BLK: variants seen among roughly 807,000 people sequenced by gnomAD.
The protein encoded by BLK is BLK proto-oncogene, Src family tyrosine kinase.
In BLK, 64 loss-of-function variants were observed where a neutral mutation model predicts 61.8. That is an observed-to-expected ratio of 1.03 (90% confidence interval 0.85 to 1.27). The LOEUF (loss-of-function observed/expected upper bound fraction) is 1.27. Ranked by LOEUF, BLK falls within the 50% of genes most tolerant of loss-of-function variation. The probability of loss-of-function intolerance (pLI) is 0.00; values close to 1 mark genes in which losing one functional copy is unlikely to be tolerated. For missense variants in BLK, 853 were observed against 660.5 expected, an observed-to-expected ratio of 1.29 and a Z score of -3.19; for synonymous variants, 351 against 272.0, an observed-to-expected ratio of 1.29 and a Z score of -2.86.
intron 1 of BLK, among the ~76,000 whole-genome samples, chr8:11,527,466 TTTTC>T (rs1191790447): frequency 1.3e-5 from 2 of 151,692 alleles, no homozygotes; most frequent in Non-Finnish European, 2.9e-5. Flanking sequence ...TATCTAGAAT[TTTTC>T]TTTCTTTTTT....
At chr8:11,551,751 C>G (rs1800915831) in intron 6 of BLK, among the ~76,000 whole-genome samples, 1 of 152,176 alleles carries the variant, frequency 6.6e-6, no homozygotes, top group Non-Finnish European at 1.5e-5. Context: ...CTGGTGCTCA[C>G]TGGCCACTAG....
intron 11 of BLK, among the ~76,000 whole-genome samples, chr8:11,561,963 C>T (rs953453658): frequency 1.3e-5 from 2 of 152,124 alleles, no homozygotes; most frequent in African/African-American, 4.8e-5. Flanking sequence ...GGATTACAGG[C>T]GTGTGCCACT....
rs577734831 is a variant in BLK at position 11,555,726 on chromosome 8, G to A, written c.772+242G>A. ...AACAGAATCCAGCTCACCCAGCCCC[G>A]AAGTCGCTCCCTCCTTCGTTCTCTG... On this transcript the variant is annotated intron_variant, in intron 8 of 12. Transcript: ENST00000259089. 4.5e-4 allele frequency: 279 copies of A among 623,846 alleles called. 4 individuals carry two copies. In the East Asian group the frequency reaches 8.0e-3, roughly 18 times the overall value. The allele number at this position is 623,846 out of a possible 1,614,324, so 38.6% of individuals were successfully genotyped here.
chr8:11,528,457 A>G (rs1799761425), intron 1 of BLK, among the ~76,000 whole-genome samples: 1 of 152,218 alleles, frequency 6.6e-6, no homozygotes, highest in African/African-American at 2.4e-5. Context: ...GCCATGTCAG[A>G]TTTCTCTTAC....
chr8:11,537,554 A>G (rs1309766014), intron 1 of BLK, among the ~76,000 whole-genome samples: 3 of 152,212 alleles, frequency 2.0e-5, no homozygotes, highest in Admixed American at 6.5e-5. Context: ...ACAGAGCCTC[A>G]GGCAGGGCCA....
At chr8:11,532,796 A>G (rs1011103503) in intron 1 of BLK, among the ~76,000 whole-genome samples, 1 of 152,340 alleles carries the variant, frequency 6.6e-6, no homozygotes, top group Admixed American at 6.5e-5. Context: ...GACAGGCACT[A>G]TGAGTGCTGA....
chr8:11,557,403 G>C (rs1051729533), intron 9 of BLK, among the ~76,000 whole-genome samples: 1 of 152,154 alleles, frequency 6.6e-6, no homozygotes, highest in African/African-American at 2.4e-5. Flanking sequence ...CTGTCACCAA[G>C]GGGCCCCCGG....
At chr8:11,502,486 T>C (rs910028869) in intron 1 of BLK, among the ~76,000 whole-genome samples, 1 of 152,074 alleles carries the variant, frequency 6.6e-6, no homozygotes, top group African/African-American at 2.4e-5. Context: ...GTATTTTAAG[T>C]AGAGTTAGCC....
At position 11,564,479 on chromosome 8, in the gene BLK, C is replaced by A. The variant is rs774038408; in HGVS notation, c.*371C>A. The A allele has an allele frequency of 3.8e-4, 200 of 521,302 alleles. 5 individuals are homozygous for A. Among genetic ancestry groups the A allele is most frequent in the South Asian group, 2.8e-3 (182 of 65,030 alleles). The allele number at this position is 521,302 out of a possible 1,614,324, so 32.3% of individuals were successfully genotyped here. A position where few individuals can be genotyped will look rare whatever the true frequency, so the allele number is the denominator to read the frequency against. Reference sequence around the variant, plus strand: ...TCCCCGCCTCTGCGCCCTGCGTGGACCCCGCCCTGCCCCGCTACAGAAGCC... The same window carrying A: ...TCCCCGCCTCTGCGCCCTGCGTGGAACCCGCCCTGCCCCGCTACAGAAGCC... On this transcript the variant is annotated 3_prime_UTR_variant, in exon 13 of 13. Transcript: ENST00000259089.
At chr8:11,533,582 C>CGGAGGAGGAGGAGGA (rs1054999044) in intron 1 of BLK, among the ~76,000 whole-genome samples, 1 of 47,676 alleles carries the variant, frequency 2.1e-5, no homozygotes, top group African/African-American at 6.6e-5. Flanking sequence ...CCCTGTCTGC[C>CGGAGGAGGAGGAGGA]GGAGGAGGAG....
chr8:11,556,908 C>T lies in BLK; in HGVS notation c.952+71C>T, dbSNP rs948644702. ...CCGGGCTTAGCAGGAGGAGGAGGGT[C>T]CGCTGCGGTGGGTTCACCAGGCCAG... is the stretch of plus-strand genomic sequence containing the variant. On this transcript the variant is annotated intron_variant, in intron 9 of 12. Coordinates refer to ENST00000259089, the MANE Select transcript of BLK (RefSeq NM_001715.3). The T allele has an allele frequency of 4.0e-6, 6 of 1,497,976 alleles. No homozygotes were observed. In the Middle Eastern group the frequency reaches 6.3e-4, roughly 158 times the overall value. 92.8% of individuals were successfully genotyped at this position (1,497,976 alleles called of 1,614,324 possible).
At chr8:11,555,215 C>T in intron 7 of BLK, 117 bp from the exon 8 acceptor site, 1 of 1,374,270 alleles carries the variant, frequency 7.3e-7, no homozygotes, top group Non-Finnish European at 1.0e-6. Context: ...GTGCACACAC[C>T]CATGCAGGGG....
rs1463223657 is a variant in BLK at position 11,519,085 on chromosome 8, C to T, written c.-1-24139C>T. Among the ~76,000 whole-genome samples, 3 of 152,240 alleles carry T rather than the reference C, an allele frequency of 2.0e-5. No homozygotes were observed. In the East Asian group the frequency reaches 5.8e-4, roughly 29 times the overall value. The stretch of plus-strand genomic sequence containing the variant: ...GCTAGTCTGCCATCTGCCTTCCCCT[C>T]TGCTCTCCTCCCTGCATCAACTAGA... On this transcript the variant is annotated intron_variant, in intron 1 of 12. Transcript: ENST00000259089.
intron 1 of BLK, among the ~76,000 whole-genome samples, chr8:11,527,776 A>T (rs1468732263): frequency 2.3e-5 from 3 of 130,456 alleles, no homozygotes; most frequent in Non-Finnish European, 4.8e-5. Context: ...GTCTGGGTGT[A>T]AAAAAAAAAA....
intron 1 of BLK, among the ~76,000 whole-genome samples, chr8:11,539,986 A>G (rs1800305878): frequency 6.6e-6 from 1 of 152,156 alleles, no homozygotes; most frequent in Non-Finnish European, 1.5e-5. Flanking sequence ...TACCCAATCT[A>G]TTGCTTATCT....
At chr8:11,501,187 GA>G (rs1358782154) in intron 1 of BLK, among the ~76,000 whole-genome samples, 2 of 152,084 alleles carry the variant, frequency 1.3e-5, no homozygotes. Context: ...TTGGACGACA[GA>G]GTGAAAAAAA....
chr8:11,533,843 G>C (rs903938959), intron 1 of BLK, among the ~76,000 whole-genome samples: 1 of 152,256 alleles, frequency 6.6e-6, no homozygotes, highest in Non-Finnish European at 1.5e-5. Flanking sequence ...AGAAATGTTT[G>C]TATGGAGGAC....
In BLK at chr8:11,564,205, T is replaced by G; in HGVS notation, c.*97T>G. The stretch of plus-strand genomic sequence containing the variant: ...GGCCGCGAAGGCGGGGTGTCGCCTG[T>G]GCCCTTTTCTCAGACCCGGAATCCA... On this transcript the variant is annotated 3_prime_UTR_variant, in exon 13 of 13. Transcript: ENST00000259089. 3.6e-6 allele frequency: 5 copies of G among 1,407,366 alleles called. No individual in the cohort carries two copies. The East Asian group carries it at 1.0e-4, about 28-fold the overall frequency. 87.2% of individuals were successfully genotyped at this position (1,407,366 alleles called of 1,614,324 possible). A position where few individuals can be genotyped will look rare whatever the true frequency, so the allele number is the denominator to read the frequency against.
Position 11,494,459 on chromosome 8 carries a change from A to T in BLK, c.-134A>T, listed in dbSNP as rs1282983450. On this transcript the variant is annotated 5_prime_UTR_variant, in exon 1 of 13. Coordinates refer to ENST00000259089, the MANE Select transcript of BLK (RefSeq NM_001715.3). ...AGCCATGAAAACTGATTGAGATGAG[A>T]AGAATTCATCTGGGACTGGCTTTTG... The T allele has an allele frequency of 6.6e-6, 1 of 152,220 alleles. No homozygotes were observed. Among genetic ancestry groups the T allele is most frequent in the African/African-American group, 2.4e-5 (1 of 41,436 alleles). The allele number at this position is 152,220 out of a possible 1,614,324, so 9.4% of individuals were successfully genotyped here.
Sources: allele counts gnomAD v4.1 joint callset (sites outside exome capture counted in the v4.1 genomes callset), GRCh38; gene constraint gnomAD v4.1.1; transcripts MANE v1.5; gene names NCBI Gene and HGNC (gene_info 2026-07-23, HGNC 2026-07-21).